HEXA: variants seen among roughly 807,000 people sequenced by gnomAD.
The protein encoded by HEXA is hexosaminidase subunit alpha, also known as beta-hexosaminidase subunit alpha.
HEXA carries 54 observed loss-of-function variants against 73.3 expected under a neutral mutation model. The observed-to-expected ratio is 0.74, with a 90% CI of 0.59 to 0.92. The LOEUF is 0.92. Ranked by LOEUF, HEXA falls within the 40% of genes least tolerant of loss-of-function variation. HEXA has a pLI of 0.00. For missense variants in HEXA, 649 were observed against 653.0 expected (o/e 0.99, Z 0.07); for synonymous variants, 230 against 246.9 (o/e 0.93, Z 0.64).
At chr15:72,362,825 C>T (rs1251969411) in intron 1 of HEXA, among the ~76,000 whole-genome samples, 2 of 152,160 alleles carry the variant, frequency 1.3e-5, no homozygotes, top group South Asian at 2.1e-4. Context: ...CTCTACCACC[C>T]GTTCCCTCCT....
At position 72,370,646 on chromosome 15, in the gene HEXA, G is replaced by A. The variant is rs149661366; in HGVS notation, c.253+5074C>T. On this transcript the variant is annotated intron_variant, in intron 1 of 13. Coordinates refer to ENST00000268097, the MANE Select transcript of HEXA (RefSeq NM_000520.6). Reference sequence around the variant, plus strand: ...CTGGAGTTCGAGGTTGCTGTAAGCCGTGATCACACCACTGCACTCCAGTCT... The same window carrying A: ...CTGGAGTTCGAGGTTGCTGTAAGCCATGATCACACCACTGCACTCCAGTCT... 1,483 of 392,886 alleles carry A rather than the reference G, an allele frequency of 3.8e-3. 7 individuals are homozygous for A. Among genetic ancestry groups the A allele is most frequent in the Non-Finnish European group, 4.8e-3 (1,084 of 224,884 alleles). 24.3% of individuals were successfully genotyped at this position (392,886 alleles called of 1,614,324 possible). A position where few individuals can be genotyped will look rare whatever the true frequency, so the allele number is the denominator to read the frequency against.
At chr15:72,354,028 C>A (rs1480073850) in intron 3 of HEXA, 1 of 507,442 alleles carries the variant, frequency 2.0e-6, no homozygotes, top group African/African-American at 1.9e-5. Context: ...TTTCCTGTGC[C>A]TTCACAAGAA....
At chr15:72,365,493 T>C (rs1340190672) in intron 1 of HEXA, among the ~76,000 whole-genome samples, 1 of 152,234 alleles carries the variant, frequency 6.6e-6, no homozygotes, top group Non-Finnish European at 1.5e-5. Flanking sequence ...ATGCTTTCTT[T>C]TGCTTTAATT....
chr15:72,346,779 A>G, intron 10 of HEXA, 69 bp from the exon 11 acceptor site: 1 of 1,433,946 alleles, frequency 7.0e-7, no homozygotes, highest in Non-Finnish European at 9.8e-7. Context: ...ATTCATACAC[A>G]GGCAACATGG....
intron 1 of HEXA, among the ~76,000 whole-genome samples, chr15:72,366,154 T>C (rs1244641661): frequency 6.6e-6 from 1 of 152,100 alleles, no homozygotes; most frequent in African/African-American, 2.4e-5. Context: ...TCCCACATCA[T>C]AGGGTTGAGA....
intron 1 of HEXA, among the ~76,000 whole-genome samples, chr15:72,371,591 G>GAAAAAAAAA (rs11299619): frequency 1.1e-4 from 13 of 121,974 alleles, no homozygotes; most frequent in Non-Finnish European, 1.6e-4. Flanking sequence ...GTCTCTAAAA[G>GAAAAAAAAA]AAAAAAAAAA....
At chr15:72,364,076 G>A (rs962387049) in intron 1 of HEXA, among the ~76,000 whole-genome samples, 2 of 151,956 alleles carry the variant, frequency 1.3e-5, no homozygotes, top group Admixed American at 6.6e-5. Flanking sequence ...TTCAAGGTTC[G>A]CCAGTCAACA....
intron 1 of HEXA, among the ~76,000 whole-genome samples, chr15:72,366,481 C>T (rs911595856): frequency 2.0e-5 from 3 of 151,742 alleles, no homozygotes; most frequent in African/African-American, 7.3e-5. Flanking sequence ...GCTAATTTTT[C>T]TATTTTTACA....
At chr15:72,365,371 C>T (rs372762902) in intron 1 of HEXA, among the ~76,000 whole-genome samples, 49 of 152,276 alleles carry the variant, frequency 3.2e-4, no homozygotes, top group African/African-American at 9.4e-4. Flanking sequence ...AGTGCTGGGA[C>T]TACAGGCGTG....
intron 7 of HEXA, 178 bp downstream of exon 7, chr15:72,350,340 G>T: frequency 1.4e-6 from 1 of 722,726 alleles, no homozygotes; most frequent in Non-Finnish European, 2.5e-6. Context: ...ATAGTAAGAA[G>T]CAGCCTCCAT....
chr15:72,356,717 TAAAGG>T, intron 1 of HEXA, 100 bp from the exon 2 acceptor site: 2 of 1,555,566 alleles, frequency 1.3e-6, no homozygotes, highest in Non-Finnish European at 1.7e-6. Flanking sequence ...ACGCCTGTGG[TAAAGG>T]AAAGGGAGGA....
rs1279272078 is a variant in HEXA, at chr15:72,375,748, G to A, written c.225C>T (p.Ser75=). 1.9e-6 allele frequency: 3 copies of A among 1,614,116 alleles called. No homozygotes were observed. In the Admixed American group the frequency reaches 5.0e-5, roughly 27 times the overall value. ...FQRYRDLLFG[S]GSWPRPYLTG... ...TGAGGTAAGGACGGGGCCAAGACCC[G>A]GAACCGAAAAGCAGGTCACGATAGC... The change falls in exon 1 of 14, where the codon TCC becomes TCT. Residue 75 remains serine, a synonymous_variant. Transcript: ENST00000268097.
intron 1 of HEXA, among the ~76,000 whole-genome samples, chr15:72,360,787 T>C (rs889159544): frequency 2.0e-5 from 3 of 152,214 alleles, no homozygotes; most frequent in Non-Finnish European, 2.9e-5. Flanking sequence ...TCTAGGCAAG[T>C]TATTTACCCT....
intron 1 of HEXA, among the ~76,000 whole-genome samples, chr15:72,364,549 T>C (rs1245715487): frequency 6.6e-6 from 1 of 152,192 alleles, no homozygotes; most frequent in Non-Finnish European, 1.5e-5. Context: ...TATATGTATA[T>C]AAGCAATTGT....
Position 72,349,217 on chromosome 15 carries a change from G to A in HEXA, c.848C>T (p.Pro283Leu), listed in dbSNP as rs1158668961. Residue 283 changes from proline (P) to leucine (L), a missense_variant, in exon 8 of 14, where the codon CCC becomes CTC. Transcript: ENST00000268097. ...LLTPCYSGSE[P>L]SGTFGPVNPS... Reference sequence around the variant, plus strand: ...ATTCACTGGTCCAAAGGTGCCAGAGGGCTCAGACCCAGAGTAGCAAGGAGT... The same window carrying A: ...ATTCACTGGTCCAAAGGTGCCAGAGAGCTCAGACCCAGAGTAGCAAGGAGT... The A allele has an allele frequency of 6.2e-7, 1 of 1,613,974 alleles. No individual in the cohort carries two copies. The highest frequency in any genetic ancestry group is 1.3e-5 in the African/African-American group (1 of 74,908).
At chr15:72,347,782 T>A in intron 9 of HEXA, 24 bp from the exon 10 acceptor site, 1 of 1,608,072 alleles carries the variant, frequency 6.2e-7, no homozygotes, top group Non-Finnish European at 8.5e-7. Context: ...GAGTGTCTAG[T>A]AAGTGTCTGC....
At chr15:72,346,017 T>C (rs2088607519) in intron 12 of HEXA, 2 of 599,426 alleles carry the variant, frequency 3.3e-6, no homozygotes, top group Admixed American at 2.9e-5. Flanking sequence ...TAACAATCCC[T>C]ATCCCACATA....
At chr15:72,363,884 A>G (rs2140334516) in intron 1 of HEXA, among the ~76,000 whole-genome samples, 1 of 152,304 alleles carries the variant, frequency 6.6e-6, no homozygotes, top group East Asian at 1.9e-4. Flanking sequence ...CTAGATCTCA[A>G]GGGATAACTT....
intron 1 of HEXA, chr15:72,362,455 A>C (rs1211851304): frequency 2.2e-6 from 1 of 455,994 alleles, no homozygotes; most frequent in Admixed American, 2.3e-5. Flanking sequence ...GCAGTCATTC[A>C]GTACATGTTT....
Sources: allele counts gnomAD v4.1 joint callset (sites outside exome capture counted in the v4.1 genomes callset), GRCh38; gene constraint gnomAD v4.1.1; transcripts MANE v1.5; gene names NCBI Gene and HGNC (gene_info 2026-07-23, HGNC 2026-07-21).